CEBPE: variants seen among roughly 807,000 people sequenced by gnomAD.
CEBPE encodes the protein CCAAT/enhancer-binding protein epsilon.
In CEBPE, 10 loss-of-function variants were observed where a neutral mutation model predicts 20.4. That is an observed-to-expected ratio of 0.49 (90% CI 0.30 to 0.83). The LOEUF (loss-of-function observed/expected upper bound fraction) is 0.83, where lower values mean the gene tolerates loss of function less well. Among genes scored for constraint, CEBPE ranks in the 40% least tolerant of loss-of-function variants. The pLI is 0.06. For missense variants in CEBPE, 389 were observed against 383.3 expected (o/e 1.01, Z -0.12); for synonymous variants, 179 against 162.6 (o/e 1.10, Z -0.77).
In CEBPE at chr14:23,118,908, G is replaced by T; in HGVS notation, c.184C>A (p.Pro62Thr). Residue 62 changes from proline to threonine, a missense_variant, in exon 1 of 2, where the codon CCA (proline) becomes ACA (threonine). This residue lies in a region of CEBPE where 294 missense variants were observed against 279.7 expected (regional missense o/e 1.05). Coordinates refer to ENST00000206513, the MANE Select transcript of CEBPE (RefSeq NM_001805.4). This position sits in a 1 kb window ranked among gnomAD's most constrained non-coding sequence, Gnocchi z 5.5. ...TTGAGGCCTCTGGCCTCAGGCGCTG[G>T]CTTCACGGCAAAGAGATCGGAGAGA... ...QLLSDLFAVK[P>T]APEARGLKGP... The T allele has an allele frequency of 6.2e-7, 1 of 1,614,076 alleles. No homozygotes were observed. The highest frequency in any genetic ancestry group is 2.2e-5 in the East Asian group (1 of 44,878).
rs1395337330 is a variant in CEBPE, at chr14:23,117,371, C to A, written c.*116G>T. On this transcript the variant is annotated 3_prime_UTR_variant, in exon 2 of 2. Coordinates refer to ENST00000206513, the MANE Select transcript of CEBPE (RefSeq NM_001805.4). ...TGCTGGGTCCTGCCCTCTTTGCCACCCCGGTTGCCATTTATCCATGGTCTA... is the reference window on the plus strand; with the variant it reads ...TGCTGGGTCCTGCCCTCTTTGCCACACCGGTTGCCATTTATCCATGGTCTA... The A allele has an allele frequency of 9.1e-7, 1 of 1,103,032 alleles. No homozygotes were observed. The highest frequency in any genetic ancestry group is 1.3e-6 in the Non-Finnish European group (1 of 755,466). The allele number at this position is 1,103,032 out of a possible 1,614,324, so 68.3% of individuals were successfully genotyped here.
Position 23,117,838 on chromosome 14 carries a change from C to A in CEBPE, c.511-16G>T. Reference sequence around the variant, plus strand: ...CCAAAGGGGCCTGGAGGGGAAGGCACGGAGAGACGGAGAGGTGAGGGCTGG... The same window carrying A: ...CCAAAGGGGCCTGGAGGGGAAGGCAAGGAGAGACGGAGAGGTGAGGGCTGG... On this transcript the variant is annotated splice_polypyrimidine_tract_variant and intron_variant, in intron 1 of 1. Coordinates refer to ENST00000206513, the MANE Select transcript of CEBPE (RefSeq NM_001805.4). 1 of 1,576,654 alleles carries A rather than the reference C, an allele frequency of 6.3e-7. No individual in the cohort carries two copies. Among genetic ancestry groups the A allele is most frequent in the Non-Finnish European group, 8.6e-7 (1 of 1,160,188 alleles).
At position 23,118,220 on chromosome 14, in the gene CEBPE, C is replaced by T. The variant is rs918549491; in HGVS notation, c.510+362G>A. Among the ~76,000 whole-genome samples, 1 of 152,086 alleles carries T rather than the reference C, an allele frequency of 6.6e-6. No individual in the cohort carries two copies. The highest frequency in any genetic ancestry group is 2.4e-5 in the African/African-American group (1 of 41,396). ...AATGCTCTCACACTTTCTGAGTACA[C>T]TTTCCCTCAATCTGCCTTGAGTCTC... On this transcript the variant is annotated intron_variant, in intron 1 of 1. Transcript: ENST00000206513. The surrounding 1 kb of genome is among the most constrained non-coding windows in gnomAD (Gnocchi z 5.5).
In CEBPE at chr14:23,117,548, T is replaced by C. The variant is rs2048514425; in HGVS notation, c.785A>G (p.Asn262Ser). 1 of 1,613,680 alleles carries C rather than the reference T, an allele frequency of 6.2e-7. No homozygotes were observed. Among genetic ancestry groups the C allele is most frequent in the Admixed American group, 1.7e-5 (1 of 59,996 alleles). The change falls in exon 2 of 2, where the codon AAC becomes AGC. Residue 262 changes from asparagine to serine, a missense_variant. By Grantham distance (46) the Asn-to-Ser change is conservative. Around this residue, in one of 3 missense-constraint regions of CEBPE, gnomAD observed 87 missense variants for 78.5 expected, o/e 1.11. Transcript: ENST00000206513. Reference sequence around the variant, plus strand: ...CGCCTCAGGAATCTGGCGGAAGAGGTTGCGGAGGGTGTCTAGCTCCTGGGT... The same window carrying C: ...CGCCTCAGGAATCTGGCGGAAGAGGCTGCGGAGGGTGTCTAGCTCCTGGGT... ...QLTQELDTLR[N>S]LFRQIPEAAN...
Position 23,118,531 on chromosome 14 carries a change from A to ACCAG in CEBPE, c.510+47_510+50dup. The ACCAG allele has an allele frequency of 6.4e-7, 1 of 1,560,830 alleles. No individual in the cohort carries two copies. The highest frequency in any genetic ancestry group is 8.6e-7 in the Non-Finnish European group (1 of 1,158,966). The stretch of plus-strand genomic sequence containing the variant: ...AGCCGGGGCACAGGGTCCTGTCCAC[A>ACCAG]CCAGCCTCTCCAGCCCCGGGCAGGA... On this transcript the variant is annotated intron_variant, in intron 1 of 1. Transcript: ENST00000206513. This position sits in a 1 kb window ranked among gnomAD's most constrained non-coding sequence, Gnocchi z 5.5.
At position 23,118,548 on chromosome 14, in the gene CEBPE, C is replaced by A; in HGVS notation, c.510+34G>T. 6.3e-7 allele frequency: 1 copy of A among 1,588,430 alleles called. No homozygotes were observed. The highest frequency in any genetic ancestry group is 1.1e-5 in the South Asian group (1 of 88,828). ...CTGTCCACACCAGCCTCTCCAGCCC[C>A]GGGCAGGAGGGAGGAGGGCTGGCCT... On this transcript the variant is annotated intron_variant, in intron 1 of 1. Coordinates refer to ENST00000206513, the MANE Select transcript of CEBPE (RefSeq NM_001805.4). The surrounding 1 kb of genome is among the most constrained non-coding windows in gnomAD (Gnocchi z 5.5).
Position 23,117,632 on chromosome 14 carries a change from T to G in CEBPE, c.701A>C (p.Gln234Pro), listed in dbSNP as rs1566773026. ...KAKRRILETQQKVLEYMAENE... is the reference protein window; with the variant it reads ...KAKRRILETQPKVLEYMAENE... Reference sequence around the variant, plus strand: ...CTCTGCCATGTACTCCAGCACCTTCTGCTGCGTCTCCAGAATGCGCCTCTT... The same window carrying G: ...CTCTGCCATGTACTCCAGCACCTTCGGCTGCGTCTCCAGAATGCGCCTCTT... The change falls in exon 2 of 2, where the codon CAG (glutamine) becomes CCG (proline). Residue 234 changes from glutamine to proline, a missense_variant. Around this residue, in one of 3 missense-constraint regions of CEBPE, gnomAD observed 87 missense variants for 78.5 expected, o/e 1.11. Coordinates refer to ENST00000206513, the MANE Select transcript of CEBPE (RefSeq NM_001805.4). The G allele has an allele frequency of 1.2e-6, 2 of 1,614,226 alleles. No individual in the cohort carries two copies. The highest frequency in any genetic ancestry group is 8.5e-7 in the Non-Finnish European group (1 of 1,180,044).
chr14:23,117,716 T>G lies in CEBPE; in HGVS notation c.617A>C (p.Glu206Ala), dbSNP rs1335315510. The change falls in exon 2 of 2, where the codon GAG becomes GCG. Residue 206 changes from glutamate (E) to alanine (A), a missense_variant. Around this residue, in one of 3 missense-constraint regions of CEBPE, gnomAD observed 294 missense variants for 279.7 expected, o/e 1.05. Transcript: ENST00000206513. ...GKKAVNKDSL[E>A]YRLRRERNNI... The stretch of plus-strand genomic sequence containing the variant: ...GTTGCGCTCCCGCCTCAGCCGGTAC[T>G]CAAGGCTATCTTTGTTCACTGCCTT... 6.2e-7 allele frequency: 1 copy of G among 1,614,206 alleles called. No homozygotes were observed. The highest frequency in any genetic ancestry group is 8.5e-7 in the Non-Finnish European group (1 of 1,180,042).
At position 23,118,527 on chromosome 14, in the gene CEBPE, C is replaced by G; in HGVS notation, c.510+55G>C. Reference sequence around the variant, plus strand: ...CATGAGCCGGGGCACAGGGTCCTGTCCACACCAGCCTCTCCAGCCCCGGGC... The same window carrying G: ...CATGAGCCGGGGCACAGGGTCCTGTGCACACCAGCCTCTCCAGCCCCGGGC... On this transcript the variant is annotated intron_variant, in intron 1 of 1. Coordinates refer to ENST00000206513, the MANE Select transcript of CEBPE (RefSeq NM_001805.4). This position sits in a 1 kb window ranked among gnomAD's most constrained non-coding sequence, Gnocchi z 5.5. 1 of 1,555,628 alleles carries G rather than the reference C, an allele frequency of 6.4e-7. No individual in the cohort carries two copies. Among genetic ancestry groups the G allele is most frequent in the South Asian group, 1.2e-5 (1 of 85,810 alleles).
rs200138272 is a variant in CEBPE, at chr14:23,118,962, C to A, written c.130G>T (p.Ala44Ser). The change falls in exon 1 of 2, where the codon GCC (alanine) becomes TCC (serine). Residue 44 changes from alanine to serine, a missense_variant. Coordinates refer to ENST00000206513, the MANE Select transcript of CEBPE (RefSeq NM_001805.4). The surrounding 1 kb of genome is among the most constrained non-coding windows in gnomAD (Gnocchi z 5.5). ...TGCTCTTCCCCAGACTCGATGTAGG[C>A]GGAGAGGTCAATGGAGGCCTCATGC... ...CEHEASIDLS[A>S]YIESGEEQLL... 6.2e-7 allele frequency: 1 copy of A among 1,613,848 alleles called. No homozygotes were observed. Among genetic ancestry groups the A allele is most frequent in the Non-Finnish European group, 8.5e-7 (1 of 1,179,980 alleles).
intron 1 of CEBPE, 37 bp from the exon 2 acceptor site, chr14:23,117,859 G>C (rs1363332487): frequency 2.6e-6 from 4 of 1,539,388 alleles, no homozygotes; most frequent in Admixed American, 1.8e-5. Context: ...AGAGGTGAGG[G>C]CTGGCCAGGA....
In CEBPE at chr14:23,117,476, A is replaced by G. The variant is rs1474446416; in HGVS notation, c.*11T>C. 1.2e-6 allele frequency: 2 copies of G among 1,605,692 alleles called. No homozygotes were observed. Among genetic ancestry groups the G allele is most frequent in the Non-Finnish European group, 8.5e-7 (1 of 1,177,180 alleles). On this transcript the variant is annotated 3_prime_UTR_variant, in exon 2 of 2. Transcript: ENST00000206513. ...CCAGGGAGCCTGGTGCCCACAATCC[A>G]CCAGCCAGCCTCAGCTGCAACCCCC...
chr14:23,117,744 T>C lies in CEBPE; in HGVS notation c.589A>G (p.Lys197Glu), dbSNP rs778242451. 2 of 1,613,878 alleles carry C rather than the reference T, an allele frequency of 1.2e-6. No individual in the cohort carries two copies. The highest frequency in any genetic ancestry group is 3.3e-5 in the Admixed American group (2 of 60,018). Residue 197 changes from lysine to glutamate, a missense_variant, in exon 2 of 2, where the codon AAG becomes GAG. By Grantham distance (56) the Lys-to-Glu change is moderately conservative. Around this residue, in one of 3 missense-constraint regions of CEBPE, gnomAD observed 294 missense variants for 279.7 expected, o/e 1.05. Coordinates refer to ENST00000206513, the MANE Select transcript of CEBPE (RefSeq NM_001805.4). ...AGGCTATCTTTGTTCACTGCCTTCT[T>C]GCCCTTGTGTAAGGGGCCAGCCGGG... ...PSPAGPLHKGKKAVNKDSLEY... is the reference protein window; with the variant it reads ...PSPAGPLHKGEKAVNKDSLEY...
Position 23,118,454 on chromosome 14 carries a change from G to A in CEBPE, c.510+128C>T. 1.7e-6 allele frequency: 2 copies of A among 1,185,832 alleles called. No homozygotes were observed. Among genetic ancestry groups the A allele is most frequent in the East Asian group, 2.6e-5 (1 of 38,800 alleles). The allele number at this position is 1,185,832 out of a possible 1,614,324, so 73.5% of individuals were successfully genotyped here. A position where few individuals can be genotyped will look rare whatever the true frequency, so the allele number is the denominator to read the frequency against. On this transcript the variant is annotated intron_variant, in intron 1 of 1. Transcript: ENST00000206513. The surrounding 1 kb of genome is among the most constrained non-coding windows in gnomAD (Gnocchi z 5.5). ...TGGTGGGGTGTGAACACAGAGGACTGTGGGTTGGGTCCATTTCACAGAGCG... is the reference window on the plus strand; with the variant it reads ...TGGTGGGGTGTGAACACAGAGGACTATGGGTTGGGTCCATTTCACAGAGCG...
rs1429530896 is a variant in CEBPE at position 23,117,678 on chromosome 14, G to A, written c.655C>T (p.Arg219Cys). The A allele has an allele frequency of 1.2e-6, 2 of 1,614,146 alleles. No individual in the cohort carries two copies. Among genetic ancestry groups the A allele is most frequent in the Admixed American group, 1.7e-5 (1 of 60,034 alleles). The change falls in exon 2 of 2, where the codon CGC (arginine) becomes TGC (cysteine). Residue 219 changes from arginine (R) to cysteine (C), a missense_variant. Arg to Cys is a radical substitution (Grantham distance 180). Coordinates refer to ENST00000206513, the MANE Select transcript of CEBPE (RefSeq NM_001805.4). ...LRRERNNIAVRKSRDKAKRRI... is the reference protein window; with the variant it reads ...LRRERNNIAVCKSRDKAKRRI... Reference sequence around the variant, plus strand: ...CTCTTGGCCTTGTCTCGGCTCTTGCGCACGGCGATGTTGTTGCGCTCCCGC... The same window carrying A: ...CTCTTGGCCTTGTCTCGGCTCTTGCACACGGCGATGTTGTTGCGCTCCCGC...
At chr14:23,117,897 C>T (rs1434886810) in intron 1 of CEBPE, 75 bp from the exon 2 acceptor site, 9 of 1,223,492 alleles carry the variant, frequency 7.4e-6, no homozygotes, top group East Asian at 4.7e-5. Flanking sequence ...GCGGGAATCT[C>T]GGCAGCCAGG....
In CEBPE at chr14:23,118,508, C is replaced by G; in HGVS notation, c.510+74G>C. The G allele has an allele frequency of 6.6e-7, 1 of 1,509,494 alleles. No individual in the cohort carries two copies. Among genetic ancestry groups the G allele is most frequent in the Non-Finnish European group, 8.9e-7 (1 of 1,128,446 alleles). 93.5% of individuals were successfully genotyped at this position (1,509,494 alleles called of 1,614,324 possible). On this transcript the variant is annotated intron_variant, in intron 1 of 1. Coordinates refer to ENST00000206513, the MANE Select transcript of CEBPE (RefSeq NM_001805.4). The surrounding 1 kb of genome is among the most constrained non-coding windows in gnomAD (Gnocchi z 5.5). ...CCAAGCACAGGCTCAGCAGCATGAG[C>G]CGGGGCACAGGGTCCTGTCCACACC...
Position 23,117,429 on chromosome 14 carries a change from G to T in CEBPE, c.*58C>A. ...GGGTTCTAGGCCCCCAGCAGGATGG[G>T]GGTCCGCAGAGTTAGGCCGTGCCAG... On this transcript the variant is annotated 3_prime_UTR_variant, in exon 2 of 2. Transcript: ENST00000206513. The T allele has an allele frequency of 6.5e-7, 1 of 1,539,624 alleles. No individual in the cohort carries two copies. The highest frequency in any genetic ancestry group is 1.2e-5 in the South Asian group (1 of 85,580).
chr14:23,117,917 A>C, intron 1 of CEBPE, 95 bp from the exon 2 acceptor site: 1 of 923,464 alleles, frequency 1.1e-6, no homozygotes, highest in South Asian at 1.6e-5. Flanking sequence ...GGCACACTTG[A>C]TGCGTCAAAG....
Sources: gnomAD v4.1 joint callset for allele counts (sites outside exome capture counted in the v4.1 genomes callset) on GRCh38, gnomAD v4.1.1 for gene constraint, gnomAD v4.1.1 regional missense constraint, Gnocchi (gnomAD v3.1) non-coding constraint, MANE v1.5 for transcripts, NCBI Gene and HGNC (gene_info 2026-07-23, HGNC 2026-07-21) for gene names.